DIP2C: variants seen among roughly 807,000 people sequenced by gnomAD.
DIP2C encodes the protein DIP2 acetate--CoA ligase C (putative).
Under a neutral mutation model 192.4 loss-of-function variants are expected in DIP2C, and 33 were observed. That is an observed-to-expected ratio of 0.17 (90% CI 0.13 to 0.23). The LOEUF is 0.23. DIP2C is among the 10% of genes least tolerant of loss of function. The probability of loss-of-function intolerance (pLI) is 1.00; values close to 1 mark genes in which losing one functional copy is unlikely to be tolerated. For synonymous variants in DIP2C, 979 were observed against 864.1 expected, an observed-to-expected ratio of 1.13 and a Z score of -2.33; for missense variants, 1,537 against 2,110.1, an observed-to-expected ratio of 0.73 and a Z score of 5.32.
At chr10:298,391 C>CGG (rs1955862418) in intron 32 of DIP2C, among the ~76,000 whole-genome samples, 1 of 152,250 alleles carries the variant, frequency 6.6e-6, no homozygotes, top group Non-Finnish European at 1.5e-5. Flanking sequence ...CAAAGCCCCC[C>CGG]TGCTCATCAC....
At chr10:558,581 T>C (rs1445828172) in intron 1 of DIP2C, among the ~76,000 whole-genome samples, 1 of 150,926 alleles carries the variant, frequency 6.6e-6, no homozygotes, top group African/African-American at 2.4e-5. Context: ...GCCATGCCAG[T>C]GCGGGGGCCC....
chr10:548,826 C>T (rs1327521589), intron 1 of DIP2C, among the ~76,000 whole-genome samples: 1 of 140,504 alleles, frequency 7.1e-6, no homozygotes, highest in Non-Finnish European at 1.5e-5. Context: ...TATTTAGAAC[C>T]ATTGTGTATG....
chr10:411,812 T>C (rs889754428), intron 8 of DIP2C, among the ~76,000 whole-genome samples: 1 of 152,250 alleles, frequency 6.6e-6, no homozygotes, highest in Non-Finnish European at 1.5e-5. Flanking sequence ...TGCGTTCATC[T>C]ACGTTAGCGT....
intron 1 of DIP2C, among the ~76,000 whole-genome samples, chr10:495,738 C>A (rs1169369692): frequency 6.6e-6 from 1 of 151,544 alleles, no homozygotes; most frequent in East Asian, 1.9e-4. Flanking sequence ...AAAAATCTCT[C>A]TTACTCGCAA....
chr10:487,824 C>G (rs1209145036), intron 1 of DIP2C, among the ~76,000 whole-genome samples: 1 of 152,152 alleles, frequency 6.6e-6, no homozygotes, highest in Non-Finnish European at 1.5e-5. Flanking sequence ...TGATCTGCCA[C>G]TTCAGCCTCC....
At chr10:614,802 G>A (rs930409301) in intron 1 of DIP2C, among the ~76,000 whole-genome samples, 1 of 152,228 alleles carries the variant, frequency 6.6e-6, no homozygotes, top group Non-Finnish European at 1.5e-5. Context: ...GGTATGGGAA[G>A]GAGAGGCCCA....
At chr10:497,531 G>A (rs1844921220) in intron 1 of DIP2C, among the ~76,000 whole-genome samples, 1 of 152,168 alleles carries the variant, frequency 6.6e-6, no homozygotes, top group Non-Finnish European at 1.5e-5. Flanking sequence ...CTTGCGAACT[G>A]TTTGCTGCGG....
chr10:541,778 A>AC (rs1051570977), intron 1 of DIP2C, among the ~76,000 whole-genome samples: 2 of 150,892 alleles, frequency 1.3e-5, no homozygotes, highest in Admixed American at 6.6e-5. Flanking sequence ...CCACAGCGTG[A>AC]CCCTTCACCT....
At chr10:507,280 C>T (rs1247153923) in intron 1 of DIP2C, among the ~76,000 whole-genome samples, 5 of 147,512 alleles carry the variant, frequency 3.4e-5, no homozygotes, top group East Asian at 2.0e-4. Context: ...CAATCAGAGA[C>T]GTATGAGGTT....
At chr10:415,094 G>A (rs546809763) in intron 7 of DIP2C, among the ~76,000 whole-genome samples, 1 of 151,860 alleles carries the variant, frequency 6.6e-6, no homozygotes, top group Admixed American at 6.6e-5. Flanking sequence ...GGAACACGGA[G>A]TGAGTATTTT....
At chr10:552,712 T>G (rs921454872) in intron 1 of DIP2C, among the ~76,000 whole-genome samples, 11 of 152,110 alleles carry the variant, frequency 7.2e-5, no homozygotes, top group Non-Finnish European at 1.5e-4. Context: ...TAGCCAGGTG[T>G]GGTGGTGGCA....
At chr10:562,252 CCAA>C (rs534262252) in intron 1 of DIP2C, among the ~76,000 whole-genome samples, 35 of 152,300 alleles carry the variant, frequency 2.3e-4, no homozygotes, top group Non-Finnish European at 3.7e-4. Context: ...TCCCTGTTCA[CCAA>C]CATCATCAGG....
intron 17 of DIP2C, among the ~76,000 whole-genome samples, chr10:375,409 G>C (rs966400677): frequency 1.3e-5 from 2 of 152,204 alleles, no homozygotes; most frequent in Non-Finnish European, 2.9e-5. Flanking sequence ...ACAGCCTACA[G>C]AACTGTGAGC....
At chr10:525,161 C>T (rs1288667202) in intron 1 of DIP2C, among the ~76,000 whole-genome samples, 1 of 152,172 alleles carries the variant, frequency 6.6e-6, no homozygotes, top group Non-Finnish European at 1.5e-5. Context: ...TTAAAACCCA[C>T]AGCATATCTC....
chr10:338,363 G>A (rs902355641), intron 29 of DIP2C, among the ~76,000 whole-genome samples: 6 of 151,616 alleles, frequency 4.0e-5, no homozygotes, highest in African/African-American at 9.7e-5. Flanking sequence ...TCACCAACTC[G>A]CCAACTCACC....
intron 2 of DIP2C, among the ~76,000 whole-genome samples, chr10:477,962 A>C (rs1345864052): frequency 2.2e-5 from 2 of 90,842 alleles, no homozygotes; most frequent in Admixed American, 1.3e-4. Context: ...GAAAGAAAAG[A>C]GAAGGAAGGG....
chr10:379,086 G>A (rs1962042955), intron 17 of DIP2C, among the ~76,000 whole-genome samples: 1 of 151,990 alleles, frequency 6.6e-6, no homozygotes, highest in African/African-American at 2.4e-5. Context: ...CCTGCCTGCA[G>A]CGCTGGGCAA....
intron 3 of DIP2C, among the ~76,000 whole-genome samples, chr10:458,264 G>T (rs1160017337): frequency 6.6e-6 from 1 of 152,192 alleles, no homozygotes; most frequent in African/African-American, 2.4e-5. Flanking sequence ...ATGTGTATTG[G>T]AATCAATGAG....
chr10:569,021 G>A (rs1337267266), intron 1 of DIP2C, among the ~76,000 whole-genome samples: 1 of 152,158 alleles, frequency 6.6e-6, no homozygotes, highest in Non-Finnish European at 1.5e-5. Flanking sequence ...CGGCTTCCTG[G>A]CTGAACCAAT....
Sources: gnomAD v4.1 joint callset for allele counts (sites outside exome capture counted in the v4.1 genomes callset) on GRCh38, gnomAD v4.1.1 for gene constraint, MANE v1.5 for transcripts, NCBI Gene and HGNC (gene_info 2026-07-23, HGNC 2026-07-21) for gene names.